ATP11A: variants seen among roughly 807,000 people sequenced by gnomAD.
The protein encoded by ATP11A is ATPase phospholipid transporting 11A, also known as phospholipid-transporting ATPase IH.
Under a neutral mutation model 154.4 loss-of-function variants are expected in ATP11A, and 81 were observed. The ratio of observed to expected loss-of-function variants is 0.52; its 90% CI spans 0.44 to 0.63. The LOEUF (loss-of-function observed/expected upper bound fraction) is 0.63, where lower values mean the gene tolerates loss of function less well. Among genes scored for constraint, ATP11A ranks in the 30% least tolerant of loss-of-function variants. The pLI, the probability that ATP11A is intolerant of heterozygous loss-of-function variation, is 0.00. For missense variants in ATP11A, 1,316 were observed against 1,474.3 expected (o/e 0.89, Z 1.76); for synonymous variants, 623 against 585.9 (o/e 1.06, Z -0.91).
intron 1 of ATP11A, among the ~76,000 whole-genome samples, chr13:112,691,676 C>G (rs941995434): frequency 6.6e-6 from 1 of 152,070 alleles, no homozygotes; most frequent in Non-Finnish European, 1.5e-5. Flanking sequence ...TTTGTTCTTT[C>G]CCGGCATAGG....
In ATP11A at chr13:112,834,690, A is replaced by G. The variant is rs763826219; in HGVS notation, c.1631+30A>G. ...GTGCAGACCTCACCCTCAGATGTGAAAGGACTAACGAATAAAGAGTGTTCT... is the reference window on the plus strand; with the variant it reads ...GTGCAGACCTCACCCTCAGATGTGAGAGGACTAACGAATAAAGAGTGTTCT... On this transcript the variant is annotated intron_variant, in intron 15 of 29. Coordinates refer to ENST00000375645, the MANE Select transcript of ATP11A (RefSeq NM_015205.3). 2.6e-6 allele frequency: 4 copies of G among 1,532,354 alleles called. No homozygotes were observed. The African/African-American group carries it at 5.5e-5, about 21-fold the overall frequency. The allele number at this position is 1,532,354 out of a possible 1,614,324, so 94.9% of individuals were successfully genotyped here. A position where few individuals can be genotyped will look rare whatever the true frequency, so the allele number is the denominator to read the frequency against.
chr13:112,796,338 G>A (rs1014436811), intron 2 of ATP11A, among the ~76,000 whole-genome samples: 7 of 152,198 alleles, frequency 4.6e-5, no homozygotes, highest in Non-Finnish European at 8.8e-5. Context: ...TCTGTGGCCA[G>A]GGAATCAAGA....
chr13:112,829,314 C>G (rs995839285), intron 12 of ATP11A, among the ~76,000 whole-genome samples: 3 of 152,196 alleles, frequency 2.0e-5, no homozygotes, highest in African/African-American at 7.2e-5. Flanking sequence ...CCCTGATGAA[C>G]AAAGTTGCAA....
chr13:112,736,308 A>C (rs1890997324), intron 1 of ATP11A, among the ~76,000 whole-genome samples: 1 of 152,190 alleles, frequency 6.6e-6, no homozygotes, highest in Non-Finnish European at 1.5e-5. Flanking sequence ...TTGCATGATG[A>C]TCAATAAGAA....
chr13:112,859,573 C>A lies in ATP11A; in HGVS notation c.2727+121C>A. The A allele has an allele frequency of 1.2e-6, 1 of 862,116 alleles. No homozygotes were observed. Among genetic ancestry groups the A allele is most frequent in the Non-Finnish European group, 2.0e-6 (1 of 510,368 alleles). The allele number at this position is 862,116 out of a possible 1,614,324, so 53.4% of individuals were successfully genotyped here. On this transcript the variant is annotated intron_variant, in intron 23 of 29. Transcript: ENST00000375645. This position sits in a 1 kb window ranked among gnomAD's most constrained non-coding sequence, Gnocchi z 4.3. ...AGCACTCCCCGGCACCACGAGGGAG[C>A]CAGGGTGCCCAGCAGCAGGCGGGGG...
intron 18 of ATP11A, 199 bp downstream of exon 18, chr13:112,851,417 GT>G (rs1194954076): frequency 4.2e-6 from 2 of 473,424 alleles, no homozygotes; most frequent in African/African-American, 3.8e-5. Flanking sequence ...ATATTTTGTT[GT>G]CCATGAAGAA....
Position 112,690,364 on chromosome 13 carries a change from C to T in ATP11A, c.-53C>T. 2 of 1,240,802 alleles carry T rather than the reference C, an allele frequency of 1.6e-6. No homozygotes were observed. The highest frequency in any genetic ancestry group is 3.3e-5 in the South Asian group (1 of 30,298). 76.9% of individuals were successfully genotyped at this position (1,240,802 alleles called of 1,614,324 possible). A position where few individuals can be genotyped will look rare whatever the true frequency, so the allele number is the denominator to read the frequency against. On this transcript the variant is annotated 5_prime_UTR_variant, in exon 1 of 30. Coordinates refer to ENST00000375645, the MANE Select transcript of ATP11A (RefSeq NM_015205.3). This position sits in a 1 kb window ranked among gnomAD's most constrained non-coding sequence, Gnocchi z 5.6. ...TAGTACCCCGGAGCCCATGGGCGCG[C>T]CGAGCCGGGCGCGGGGGCGCTGAAC... is the stretch of plus-strand genomic sequence containing the variant.
rs1462818989 is a variant in ATP11A, at chr13:112,778,301, T to A, written c.40-6834T>A. On this transcript the variant is annotated intron_variant, in intron 1 of 29. Coordinates refer to ENST00000375645, the MANE Select transcript of ATP11A (RefSeq NM_015205.3). ...TTAGCGGCTCTGTGAGAGGAGGTCG[T>A]CCAGGTCAGCGGCTTTGAAAGCCCC... Among the ~76,000 whole-genome samples the A allele has an allele frequency of 2.0e-5, 3 of 152,204 alleles. No homozygotes were observed. In the East Asian group the frequency reaches 5.8e-4, roughly 29 times the overall value.
At chr13:112,852,282 A>G (rs1290696213) in intron 18 of ATP11A, among the ~76,000 whole-genome samples, 1 of 152,240 alleles carries the variant, frequency 6.6e-6, no homozygotes, top group African/African-American at 2.4e-5. Context: ...GAAAGTCTTT[A>G]AGATCCATTT....
intron 29 of ATP11A, chr13:112,881,465 T>G (rs1006318902): frequency 5.5e-6 from 6 of 1,088,572 alleles, no homozygotes; most frequent in Non-Finnish European, 3.4e-6. Context: ...TCGAGCTCAC[T>G]GCACAGGAAG....
At chr13:112,769,142 T>C (rs1377980108) in intron 1 of ATP11A, among the ~76,000 whole-genome samples, 1 of 152,138 alleles carries the variant, frequency 6.6e-6, no homozygotes, top group Non-Finnish European at 1.5e-5. Flanking sequence ...GGCTCCTCCT[T>C]CCAGGCTCCT....
rs1188617961 is a variant in ATP11A, at chr13:112,746,318, G to C, written c.40-38817G>C. 1.3e-5 allele frequency: 2 copies of C among 152,138 alleles called. No individual in the cohort carries two copies. Among genetic ancestry groups the C allele is most frequent in the East Asian group, 3.9e-4 (2 of 5,186 alleles). 9.4% of individuals were successfully genotyped at this position (152,138 alleles called of 1,614,324 possible). On this transcript the variant is annotated intron_variant, in intron 1 of 29. Coordinates refer to ENST00000375645, the MANE Select transcript of ATP11A (RefSeq NM_015205.3). This position sits in a 1 kb window ranked among gnomAD's most constrained non-coding sequence, Gnocchi z 4.1. ...TGCACCAACAGTGCACAGGGCTCCG[G>C]TTCCCCACGTCCTCACCGGGTAACT...
At chr13:112,804,611 A>G (rs2078272515) in intron 2 of ATP11A, among the ~76,000 whole-genome samples, 1 of 150,130 alleles carries the variant, frequency 6.7e-6, no homozygotes, top group African/African-American at 2.5e-5. Context: ...CACTCAGAGG[A>G]GAGATCATGC....
intron 20 of ATP11A, chr13:112,856,309 G>A (rs914495375): frequency 7.9e-6 from 3 of 377,500 alleles, no homozygotes; most frequent in South Asian, 4.8e-5. Flanking sequence ...GACCCTTCCA[G>A]ATGCAGTGGC....
intron 17 of ATP11A, among the ~76,000 whole-genome samples, chr13:112,843,572 G>A (rs1162219807): frequency 6.6e-6 from 1 of 152,210 alleles, no homozygotes; most frequent in African/African-American, 2.4e-5. Context: ...AGACTTCCAA[G>A]GCTGGCTCTG....
intron 1 of ATP11A, among the ~76,000 whole-genome samples, chr13:112,704,469 C>T (rs1435793079): frequency 1.3e-5 from 2 of 152,252 alleles, no homozygotes; most frequent in African/African-American, 4.8e-5. Context: ...AGTGGCTGCT[C>T]TGCCCCCGCG....
At chr13:112,717,874 T>C (rs1888656518) in intron 1 of ATP11A, among the ~76,000 whole-genome samples, 2 of 152,194 alleles carry the variant, frequency 1.3e-5, no homozygotes, top group South Asian at 2.1e-4. Flanking sequence ...GTCAGGAGTT[T>C]GAGACCAGCC....
chr13:112,825,707 C>G, intron 11 of ATP11A, 127 bp downstream of exon 11: 1 of 1,103,048 alleles, frequency 9.1e-7, no homozygotes, highest in East Asian at 2.6e-5. Context: ...GATTCAGTCT[C>G]TGTGATAGAT....
intron 1 of ATP11A, among the ~76,000 whole-genome samples, chr13:112,752,711 A>G (rs1390682996): frequency 6.6e-6 from 1 of 152,226 alleles, no homozygotes; most frequent in Non-Finnish European, 1.5e-5. Context: ...ACCGTAATGT[A>G]GTTTAATAGC....
Sources: allele counts gnomAD v4.1 joint callset (sites outside exome capture counted in the v4.1 genomes callset), GRCh38; gene constraint gnomAD v4.1.1; non-coding constraint Gnocchi (gnomAD v3.1); transcripts MANE v1.5; gene names NCBI Gene and HGNC (gene_info 2026-07-23, HGNC 2026-07-21).